The following NRXN3 variants were observed in gnomAD, a reference collection of about 807,000 sequenced individuals.
NRXN3 encodes neurexin III.
A neutral mutation model predicts 137.6 loss-of-function variants in NRXN3; 32 were observed. The ratio of observed to expected loss-of-function variants is 0.23; its 90% CI spans 0.18 to 0.31. The LOEUF is 0.31. NRXN3 is among the 10% of genes least tolerant of loss of function. NRXN3 has a pLI of 1.00. For synonymous variants in NRXN3, 798 were observed against 784.5 expected, an observed-to-expected ratio of 1.02 and a Z score of -0.29; for missense variants, 1,574 against 2,062.5, an observed-to-expected ratio of 0.76 and a Z score of 4.59.
chr14:79,236,197 G>C (rs1396939344), intron 15 of NRXN3, among the ~76,000 whole-genome samples: 2 of 152,058 alleles, frequency 1.3e-5, no homozygotes, highest in Non-Finnish European at 2.9e-5. Context: ...TTCAAATCCA[G>C]ACACCCAATA....
chr14:78,431,559 G>T (rs1166864579), intron 4 of NRXN3, among the ~76,000 whole-genome samples: 1 of 152,114 alleles, frequency 6.6e-6, no homozygotes, highest in African/African-American at 2.4e-5. Flanking sequence ...CAAAGGAACA[G>T]CTGGAGCAAA....
At chr14:78,711,511 G>A (rs941754855) in intron 7 of NRXN3, among the ~76,000 whole-genome samples, 1 of 139,886 alleles carries the variant, frequency 7.1e-6, no homozygotes, top group Non-Finnish European at 1.5e-5. Context: ...GCGCAGTCTC[G>A]GCTCACTGCA....
At chr14:79,084,544 A>G (rs996042024) in intron 15 of NRXN3, among the ~76,000 whole-genome samples, 1 of 152,170 alleles carries the variant, frequency 6.6e-6, no homozygotes, top group Non-Finnish European at 1.5e-5. Flanking sequence ...TTATTTCTTA[A>G]AATTATTCTT....
At chr14:78,695,261 C>G (rs1191333317) in intron 6 of NRXN3, 1 of 151,998 alleles carries the variant, frequency 6.6e-6, no homozygotes, top group African/African-American at 2.4e-5. Context: ...CTCAAGATCC[C>G]TAACTTAATC....
intron 4 of NRXN3, among the ~76,000 whole-genome samples, chr14:78,602,677 A>G (rs556522146): frequency 6.6e-6 from 1 of 152,284 alleles, no homozygotes; most frequent in Non-Finnish European, 1.5e-5. Context: ...AAGCCCAGCT[A>G]GAAGCAAATT....
At chr14:78,797,134 CAG>C (rs2098824263) in intron 8 of NRXN3, among the ~76,000 whole-genome samples, 1 of 152,128 alleles carries the variant, frequency 6.6e-6, no homozygotes, top group Non-Finnish European at 1.5e-5. Context: ...AAGATAAAAA[CAG>C]GGGAACCTTT....
At chr14:79,273,150 C>T (rs1413810330) in intron 15 of NRXN3, among the ~76,000 whole-genome samples, 2 of 107,490 alleles carry the variant, frequency 1.9e-5, no homozygotes, top group East Asian at 3.2e-4. Context: ...CCAGCCAGGG[C>T]GGCAATGCAA....
chr14:78,602,723 C>A lies in NRXN3; in HGVS notation c.758-42397C>A, dbSNP rs569600581. Among the ~76,000 whole-genome samples the A allele has an allele frequency of 6.6e-5, 10 of 152,340 alleles. No individual in the cohort carries two copies. The East Asian group carries it at 1.7e-3, about 26-fold the overall frequency. On this transcript the variant is annotated intron_variant, in intron 4 of 20. Transcript: ENST00000335750. The stretch of plus-strand genomic sequence containing the variant: ...TTTCTCAAGACTCTGAACACCCACA[C>A]CGGCCCATGAGGGCAGAGAGTGGTG...
At chr14:78,714,312 C>A (rs990954206) in intron 7 of NRXN3, among the ~76,000 whole-genome samples, 1 of 152,172 alleles carries the variant, frequency 6.6e-6, no homozygotes, top group Admixed American at 6.5e-5. Context: ...TATATTCACT[C>A]ATTTAATCAC....
chr14:79,026,561 G>C (rs2099598330), intron 15 of NRXN3, among the ~76,000 whole-genome samples: 1 of 152,024 alleles, frequency 6.6e-6, no homozygotes, highest in Non-Finnish European at 1.5e-5. Flanking sequence ...TCTGCCACCA[G>C]CTAGTCCCAT....
chr14:79,142,964 CTCT>C lies in NRXN3; in HGVS notation c.3262+154827_3262+154829del, dbSNP rs2058951310. On this transcript the variant is annotated intron_variant, in intron 15 of 20. Transcript: ENST00000335750. ...TAACTAAGGGAAATATATTAAGCTC[CTCT>C]TCTCAATAAAGATTAGATTTAATTA... Among the ~76,000 whole-genome samples, 2 of 152,182 alleles carry C rather than the reference CTCT, an allele frequency of 1.3e-5. 1 individual carries two copies. Among genetic ancestry groups the C allele is most frequent in the South Asian group, 4.1e-4 (2 of 4,834 alleles).
rs769821136 is a variant in NRXN3 at position 79,663,931 on chromosome 14, A to T, written c.3598A>T (p.Asn1200Tyr). The change falls in exon 17 of 21, where the codon AAT becomes TAT. Residue 1200 changes from asparagine (N) to tyrosine (Y), a missense_variant. Physicochemically the swap from Asn to Tyr is moderately radical, Grantham distance 143 (BLOSUM62 -2). Around this residue, in one of 5 missense-constraint regions of NRXN3, gnomAD observed 133 missense variants for 241.8 expected, o/e 0.55. Transcript: ENST00000335750. ...CCTGCAGGTGGACAACTGGCCAGTG[A>T]ATGAACATTATCCTACAGGTACATG... ...ATLQVDNWPV[N>Y]EHYPTGNTDN... 1 of 1,613,486 alleles carries T rather than the reference A, an allele frequency of 6.2e-7. No homozygotes were observed. Among genetic ancestry groups the T allele is most frequent in the Non-Finnish European group, 8.5e-7 (1 of 1,179,614 alleles).
chr14:78,366,808 G>C (rs1488582667), intron 4 of NRXN3, among the ~76,000 whole-genome samples: 1 of 152,196 alleles, frequency 6.6e-6, no homozygotes, highest in Non-Finnish European at 1.5e-5. Context: ...CCCATAACAG[G>C]TGGGAATTGT....
rs764777996 is a variant in NRXN3, at chr14:79,868,085, T to C, written c.*6121T>C. 2.0e-5 allele frequency: 3 copies of C among 152,176 alleles called. No individual in the cohort carries two copies. The highest frequency in any genetic ancestry group is 4.4e-5 in the Non-Finnish European group (3 of 68,034). 9.4% of individuals were successfully genotyped at this position (152,176 alleles called of 1,614,324 possible). A position where few individuals can be genotyped will look rare whatever the true frequency, so the allele number is the denominator to read the frequency against. ...CATACCTATAATTTTGTTATACTTA[T>C]CTTGCAGGTTTCTTGAGAAATATTG... On this transcript the variant is annotated 3_prime_UTR_variant, in exon 21 of 21. Coordinates refer to ENST00000335750, the MANE Select transcript of NRXN3 (RefSeq NM_001330195.2).
chr14:78,997,409 A>G (rs186791316), intron 15 of NRXN3, among the ~76,000 whole-genome samples: 1 of 152,304 alleles, frequency 6.6e-6, no homozygotes, highest in Non-Finnish European at 1.5e-5. Context: ...GGTGACGGCA[A>G]TAATCCACTT....
intron 4 of NRXN3, among the ~76,000 whole-genome samples, chr14:78,401,617 A>G (rs553187202): frequency 6.6e-6 from 1 of 152,380 alleles, no homozygotes; most frequent in East Asian, 1.9e-4. Flanking sequence ...CACAATGAGT[A>G]TTAAATTTTA....
intron 5 of NRXN3, among the ~76,000 whole-genome samples, chr14:78,649,914 T>C (rs547522792): frequency 6.6e-6 from 1 of 152,300 alleles, no homozygotes; most frequent in East Asian, 1.9e-4. Context: ...GCATGGCATG[T>C]TCCTGTCTCG....
intron 4 of NRXN3, among the ~76,000 whole-genome samples, chr14:78,321,874 A>G (rs971176531): frequency 5.3e-5 from 8 of 151,954 alleles, no homozygotes; most frequent in African/African-American, 1.9e-4. Context: ...AGATTCAGAG[A>G]CCATGTTCCT....
intron 15 of NRXN3, among the ~76,000 whole-genome samples, chr14:79,092,488 C>T (rs1010948914): frequency 1.3e-5 from 2 of 151,296 alleles, no homozygotes; most frequent in Admixed American, 1.3e-4. Flanking sequence ...AACGTGCATG[C>T]ACACACACAC....
Sources: gnomAD v4.1 joint callset for allele counts (sites outside exome capture counted in the v4.1 genomes callset) on GRCh38, gnomAD v4.1.1 for gene constraint, gnomAD v4.1.1 regional missense constraint, MANE v1.5 for transcripts, NCBI Gene and HGNC (gene_info 2026-07-23, HGNC 2026-07-21) for gene names.